SVEP1: variants seen among roughly 807,000 people sequenced by gnomAD.
SVEP1 encodes the protein sushi, von Willebrand factor type A, EGF and pentraxin domain containing 1.
A neutral mutation model predicts 367.3 loss-of-function variants in SVEP1; 164 were observed. That is an observed-to-expected ratio of 0.45 (90% CI 0.39 to 0.51). The LOEUF is 0.51. Ranked by LOEUF, SVEP1 falls within the 20% of genes least tolerant of loss-of-function variation. SVEP1 has a pLI of 0.00. For missense variants in SVEP1, 4,117 were observed against 4,425.3 expected, an observed-to-expected ratio of 0.93 and a Z score of 1.98; for synonymous variants, 1,666 against 1,611.6, an observed-to-expected ratio of 1.03 and a Z score of -0.81.
At position 110,579,596 on chromosome 9, in the gene SVEP1, A is replaced by T. The variant is rs10980462; in HGVS notation, c.-53T>A. On this transcript the variant is annotated 5_prime_UTR_variant, in exon 1 of 48. Transcript: ENST00000374469. This position sits in a 1 kb window ranked among gnomAD's most constrained non-coding sequence, Gnocchi z 5.3. Reference sequence around the variant, plus strand: ...GAGCGCAGGCGGCGGCTCGGGCGGGAAGAGGCGCTGGGCGGCCGGACTCGC... The same window carrying T: ...GAGCGCAGGCGGCGGCTCGGGCGGGTAGAGGCGCTGGGCGGCCGGACTCGC... 5.1e-3 allele frequency: 7,574 copies of T among 1,498,928 alleles called. 227 individuals are homozygous for T. In the African/African-American group the frequency reaches 0.068, roughly 14 times the overall value. 92.9% of individuals were successfully genotyped at this position (1,498,928 alleles called of 1,614,324 possible). A position where few individuals can be genotyped will look rare whatever the true frequency, so the allele number is the denominator to read the frequency against.
intron 23 of SVEP1, 100 bp from the exon 24 acceptor site, chr9:110,450,360 T>C: frequency 8.0e-7 from 1 of 1,247,772 alleles, no homozygotes. Context: ...TTCTAGAGGA[T>C]TGGAATGGAG....
At chr9:110,382,692 A>G (rs1827455608) in intron 43 of SVEP1, among the ~76,000 whole-genome samples, 1 of 152,146 alleles carries the variant, frequency 6.6e-6, no homozygotes, top group Non-Finnish European at 1.5e-5. Flanking sequence ...CATCTCTTTC[A>G]GGTACCCCGA....
chr9:110,415,337 A>T (rs1278813217), intron 36 of SVEP1, among the ~76,000 whole-genome samples: 1 of 152,072 alleles, frequency 6.6e-6, no homozygotes, highest in African/African-American at 2.4e-5. Context: ...GACAGATGCA[A>T]AAATGTGTGT....
In SVEP1 at chr9:110,408,339, G is replaced by A. The variant is rs1827987727; in HGVS notation, c.7261C>T (p.Leu2421Phe). The change falls in exon 38 of 48, where the codon CTC becomes TTC. Residue 2421 changes from leucine (L) to phenylalanine (F), a missense_variant. By Grantham distance (22) the Leu-to-Phe change is conservative. Coordinates refer to ENST00000374469, the MANE Select transcript of SVEP1 (RefSeq NM_153366.4). ...CTCCAGGTGCCATCAGGTTGGCAGA[G>A]GGTGGTAGAATTTCCTCTTAGGAAA... ...GFFLRGNSTT[L>F]CQPDGTWSSP... 3.1e-6 allele frequency: 5 copies of A among 1,613,890 alleles called. No homozygotes were observed. Among genetic ancestry groups the A allele is most frequent in the Non-Finnish European group, 4.2e-6 (5 of 1,179,860 alleles).
intron 1 of SVEP1, among the ~76,000 whole-genome samples, chr9:110,556,369 G>C (rs529242130): frequency 1.3e-5 from 2 of 152,290 alleles, no homozygotes; most frequent in East Asian, 3.9e-4. Context: ...CTCTTGGGCT[G>C]CATTAATTAA....
In SVEP1 at chr9:110,403,296, G is replaced by GTTTTTTTTTTTTTTTTTTTTTT. The variant is rs71371665; in HGVS notation, c.9666+1009_9666+1030dup. ...TGATGATTCCTTCCCCGCCACCGCC[G>GTTTTTTTTTTTTTTTTTTTTTT]TTTTTTTTTTTTTTTTTTTTTTTTT... On this transcript the variant is annotated intron_variant, in intron 39 of 47. Transcript: ENST00000374469. Among the ~76,000 whole-genome samples, 8 of 43,462 alleles carry GTTTTTTTTTTTTTTTTTTTTTT rather than the reference G, an allele frequency of 1.8e-4. 2 individuals carry two copies. The highest frequency in any genetic ancestry group is 7.1e-4 in the African/African-American group (6 of 8,394). 28.5% of individuals were successfully genotyped at this position (43,462 alleles called of 152,430 possible).
intron 11 of SVEP1, 118 bp downstream of exon 11, chr9:110,482,243 G>T: frequency 8.7e-7 from 1 of 1,146,114 alleles, no homozygotes; most frequent in Non-Finnish European, 1.2e-6. Context: ...AAACCTGTCA[G>T]TCTTCTAACT....
chr9:110,472,229 G>A lies in SVEP1; in HGVS notation c.2694C>T (p.Ala898=), dbSNP rs1424801907. 5 of 1,613,370 alleles carry A rather than the reference G, an allele frequency of 3.1e-6. No homozygotes were observed. The highest frequency in any genetic ancestry group is 4.2e-6 in the Non-Finnish European group (5 of 1,179,758). Residue 898 remains alanine, a synonymous_variant, in exon 15 of 48, where the codon GCC becomes GCT. Transcript: ENST00000374469. The part of the protein sequence containing the change: ...VQETATSIGN[A]KSSRIKRSAP... ...CACTTCTTTTAATCCGTGAGGACTT[G>A]GCATTGCCGATGCTTGTGGCTGTTT...
At chr9:110,377,558 A>C (rs1481024139) in intron 44 of SVEP1, among the ~76,000 whole-genome samples, 192 bp from the exon 45 acceptor site, 1 of 152,192 alleles carries the variant, frequency 6.6e-6, no homozygotes, top group African/African-American at 2.4e-5. Context: ...CTATTATTTC[A>C]GTTTTCCCTG....
At chr9:110,510,643 A>T (rs1260578170) in intron 5 of SVEP1, among the ~76,000 whole-genome samples, 3 of 152,182 alleles carry the variant, frequency 2.0e-5, no homozygotes, top group Non-Finnish European at 4.4e-5. Flanking sequence ...AGGCTTGATT[A>T]TGGAGGGTGC....
chr9:110,429,026 G>C (rs1011581010), intron 35 of SVEP1, 117 bp downstream of exon 35: 42 of 822,240 alleles, frequency 5.1e-5, no homozygotes, highest in Non-Finnish European at 7.0e-5. Context: ...CTGAGATTGC[G>C]CCACTGCACT....
At chr9:110,459,194 T>C in intron 18 of SVEP1, 81 bp from the exon 19 acceptor site, 1 of 1,299,954 alleles carries the variant, frequency 7.7e-7, no homozygotes, top group African/African-American at 1.5e-5. Context: ...TCTGTGCATA[T>C]AAGAAACCTA....
intron 3 of SVEP1, among the ~76,000 whole-genome samples, chr9:110,519,436 T>C (rs536179885): frequency 6.6e-6 from 1 of 152,302 alleles, no homozygotes; most frequent in Non-Finnish European, 1.5e-5. Flanking sequence ...ATCTCCAGCA[T>C]CCTTCAAGAC....
intron 36 of SVEP1, among the ~76,000 whole-genome samples, chr9:110,424,150 C>G (rs541560803): frequency 6.6e-6 from 1 of 152,286 alleles, no homozygotes; most frequent in African/African-American, 2.4e-5. Flanking sequence ...CTCTTCGTGT[C>G]TAGGTCAGAG....
At chr9:110,488,430 T>A (rs1383616367) in intron 9 of SVEP1, among the ~76,000 whole-genome samples, 1 of 151,792 alleles carries the variant, frequency 6.6e-6, no homozygotes, top group Non-Finnish European at 1.5e-5. Context: ...CATTTGAGAA[T>A]TAGCCTGAGG....
At chr9:110,427,517 G>C in intron 36 of SVEP1, 74 bp downstream of exon 36, 19 of 1,507,372 alleles carry the variant, frequency 1.3e-5, no homozygotes, top group Non-Finnish European at 1.7e-5. Flanking sequence ...GTGTCCAATG[G>C]AGCCCATCTC....
chr9:110,533,126 A>T (rs1009577931), intron 3 of SVEP1, among the ~76,000 whole-genome samples: 4 of 151,892 alleles, frequency 2.6e-5, no homozygotes, highest in African/African-American at 9.7e-5. Flanking sequence ...CTCAGGCGGT[A>T]AGGCTTGCTC....
At chr9:110,577,381 G>T (rs1376816601) in intron 1 of SVEP1, among the ~76,000 whole-genome samples, 1 of 152,032 alleles carries the variant, frequency 6.6e-6, no homozygotes, top group Non-Finnish European at 1.5e-5. Context: ...AATTAAATTG[G>T]AAAAGGACAG....
At chr9:110,455,789 A>C in intron 21 of SVEP1, 86 bp from the exon 22 acceptor site, 664 of 1,042,792 alleles carry the variant, frequency 6.4e-4, no homozygotes, top group Non-Finnish European at 8.0e-4. Context: ...TAATTATCTC[A>C]ATAATCAGAA....
Sources: allele counts gnomAD v4.1 joint callset (sites outside exome capture counted in the v4.1 genomes callset), GRCh38; gene constraint gnomAD v4.1.1; non-coding constraint Gnocchi (gnomAD v3.1); transcripts MANE v1.5; gene names NCBI Gene and HGNC (gene_info 2026-07-23, HGNC 2026-07-21).